The following ANAPC4 variants were observed in gnomAD, a reference collection of about 807,000 sequenced individuals.
ANAPC4 encodes the protein anaphase promoting complex subunit 4.
Under a neutral mutation model 119.8 loss-of-function variants are expected in ANAPC4, and 63 were observed. The ratio of observed to expected loss-of-function variants is 0.53; its 90% CI spans 0.43 to 0.65. The LOEUF (loss-of-function observed/expected upper bound fraction) is 0.65. Ranked by LOEUF, ANAPC4 falls within the 30% of genes least tolerant of loss-of-function variation. The pLI is 0.00. For synonymous variants in ANAPC4, 283 were observed against 318.6 expected (o/e 0.89, Z 1.19); for missense variants, 716 against 945.1 (o/e 0.76, Z 3.18).
chr4:25,406,094 G>T (rs2109136764), intron 18 of ANAPC4, among the ~76,000 whole-genome samples: 1 of 152,228 alleles, frequency 6.6e-6, no homozygotes, highest in East Asian at 1.9e-4. Flanking sequence ...ATTTCCACTT[G>T]ATTCTTGCAG....
chr4:25,386,844 T>G (rs1416302420), intron 4 of ANAPC4, among the ~76,000 whole-genome samples: 1 of 152,178 alleles, frequency 6.6e-6, no homozygotes, highest in African/African-American at 2.4e-5. Context: ...GCAGTAAACC[T>G]GAATAGCTAA....
At chr4:25,391,205 A>G (rs570143619) in intron 9 of ANAPC4, among the ~76,000 whole-genome samples, 190 bp downstream of exon 9, 20 of 152,210 alleles carry the variant, frequency 1.3e-4, no homozygotes, top group Admixed American at 7.9e-4. Flanking sequence ...CCATGCTCCA[A>G]TACAGTTTTC....
intron 25 of ANAPC4, 74 bp from the exon 26 acceptor site, chr4:25,415,392 C>CT (rs1723802537): frequency 8.5e-7 from 1 of 1,173,476 alleles, no homozygotes; most frequent in East Asian, 2.4e-5. Context: ...CAATCATGTT[C>CT]TTTTAAGCCT....
chr4:25,416,501 G>C lies in ANAPC4; in HGVS notation c.1978G>C (p.Glu660Gln). The change falls in exon 27 of 29, where the codon GAA (glutamate) becomes CAA (glutamine). Residue 660 changes from glutamate to glutamine, a missense_variant. Physicochemically the swap from Glu to Gln is conservative, Grantham distance 29. Around this residue, in one of 3 missense-constraint regions of ANAPC4, gnomAD observed 504 missense variants for 615.8 expected, o/e 0.82. Coordinates refer to ENST00000315368, the MANE Select transcript of ANAPC4 (RefSeq NM_013367.3). ...TVVLKDTVGR[E>Q]GRDRLLVQLP... ...AGTTCTTAAAGACACTGTAGGACGTGAAGGAAGAGATAGACTCTTGGTCCA... is the reference window on the plus strand; with the variant it reads ...AGTTCTTAAAGACACTGTAGGACGTCAAGGAAGAGATAGACTCTTGGTCCA... 1 of 1,608,006 alleles carries C rather than the reference G, an allele frequency of 6.2e-7. No homozygotes were observed. Among genetic ancestry groups the C allele is most frequent in the Non-Finnish European group, 8.5e-7 (1 of 1,175,666 alleles).
In ANAPC4 at chr4:25,377,449, T is replaced by A. The variant is rs772072500; in HGVS notation, c.22T>A (p.Phe8Ile). 1 of 1,614,104 alleles carries A rather than the reference T, an allele frequency of 6.2e-7. No individual in the cohort carries two copies. Among genetic ancestry groups the A allele is most frequent in the Non-Finnish European group, 8.5e-7 (1 of 1,179,984 alleles). The change falls in exon 2 of 29, where the codon TTC (phenylalanine) becomes ATC (isoleucine). Residue 8 changes from phenylalanine (F) to isoleucine (I), a missense_variant. By Grantham distance (21) the Phe-to-Ile change is conservative (BLOSUM62 0). Coordinates refer to ENST00000315368, the MANE Select transcript of ANAPC4 (RefSeq NM_013367.3). The stretch of plus-strand genomic sequence containing the variant: ...CCCCATGTTGCGTTTTCCGACCTGT[T>A]TCCCATCCTTCCGGGTGGTGGGAGA... MLRFPTC[F>I]PSFRVVGEKQ...
chr4:25,393,790 CTT>C lies in ANAPC4; in HGVS notation c.790-10_790-9del. 6.5e-7 allele frequency: 1 copy of C among 1,533,696 alleles called. No individual in the cohort carries two copies. The highest frequency in any genetic ancestry group is 1.2e-5 in the South Asian group (1 of 81,054). The stretch of plus-strand genomic sequence containing the variant: ...AATATTTTTTACCATTTCAATTTTT[CTT>C]TTTTGCTAATAGTATATAAATTTGT... On this transcript the variant is annotated splice_polypyrimidine_tract_variant and intron_variant, in intron 10 of 28. Coordinates refer to ENST00000315368, the MANE Select transcript of ANAPC4 (RefSeq NM_013367.3).
intron 3 of ANAPC4, among the ~76,000 whole-genome samples, chr4:25,382,957 T>G (rs1721823535): frequency 6.6e-6 from 1 of 152,228 alleles, no homozygotes; most frequent in African/African-American, 2.4e-5. Flanking sequence ...CTCTTTTGTA[T>G]TTTCTGCTTG....
chr4:25,417,471 C>G (rs768162440), intron 27 of ANAPC4, 145 bp from the exon 28 acceptor site: 133 of 845,270 alleles, frequency 1.6e-4, no homozygotes, highest in Non-Finnish European at 2.0e-4. Context: ...AGCTTTTTTT[C>G]TAACACAACA....
intron 10 of ANAPC4, among the ~76,000 whole-genome samples, chr4:25,393,453 G>A (rs544544622): frequency 2.0e-5 from 3 of 152,214 alleles, no homozygotes; most frequent in South Asian, 4.1e-4. Flanking sequence ...CTTGAGGCTT[G>A]GAGTTCGAGA....
intron 7 of ANAPC4, among the ~76,000 whole-genome samples, chr4:25,389,540 G>A (rs867892280): frequency 1.3e-5 from 2 of 152,110 alleles, no homozygotes; most frequent in South Asian, 2.1e-4. Context: ...TGATCCACCC[G>A]CCTTGGCCTC....
At chr4:25,413,851 A>G (rs1723711668) in intron 22 of ANAPC4, 109 bp downstream of exon 22, 2 of 871,614 alleles carry the variant, frequency 2.3e-6, no homozygotes, top group South Asian at 3.7e-5. Flanking sequence ...GAAAATGTTG[A>G]TAGTCAACTG....
At chr4:25,411,379 TGA>T (rs71189000) in intron 21 of ANAPC4, among the ~76,000 whole-genome samples, 3,952 of 152,300 alleles carry the variant, frequency 0.026, 90 homozygotes, top group South Asian at 0.11. Context: ...CTTACGTGTT[TGA>T]ATAAGAAAGG....
In ANAPC4 at chr4:25,394,861, A is replaced by G; in HGVS notation, c.1017A>G (p.Ser339=). ...AAAAGCTTGGCCAGTCTATAGAGTC[A>G]TCATACTCCAGTATACAAAAATTGG... The part of the protein sequence containing the change: ...GLKKLGQSIE[S]SYSSIQKLVI... Residue 339 remains serine, a synonymous_variant, in exon 14 of 29, where the codon TCA becomes TCG. Coordinates refer to ENST00000315368, the MANE Select transcript of ANAPC4 (RefSeq NM_013367.3). The G allele has an allele frequency of 6.2e-7, 1 of 1,613,512 alleles. No homozygotes were observed. The highest frequency in any genetic ancestry group is 2.2e-5 in the East Asian group (1 of 44,852).
intron 22 of ANAPC4, 33 bp downstream of exon 22, chr4:25,413,775 G>A (rs377598355): frequency 2.0e-6 from 3 of 1,515,992 alleles, no homozygotes; most frequent in African/African-American, 1.4e-5. Flanking sequence ...TCTTTGTGTA[G>A]GAGCAATAGT....
intron 4 of ANAPC4, among the ~76,000 whole-genome samples, chr4:25,386,861 TCTC>T (rs1229297989): frequency 1.3e-5 from 2 of 152,166 alleles, no homozygotes; most frequent in East Asian, 3.8e-4. Context: ...CTAAGAGTTT[TCTC>T]CTCTTTCTAG....
chr4:25,409,979 G>A (rs1410734230), intron 21 of ANAPC4, among the ~76,000 whole-genome samples, 188 bp downstream of exon 21: 2 of 152,204 alleles, frequency 1.3e-5, no homozygotes, highest in African/African-American at 4.8e-5. Flanking sequence ...ATAGATAGAA[G>A]ACACTCTGAA....
rs147243013 is a variant in ANAPC4, at chr4:25,383,333, C to G, written c.308C>G (p.Ser103Cys). The G allele has an allele frequency of 1.9e-6, 3 of 1,613,104 alleles. No individual in the cohort carries two copies. Among genetic ancestry groups the G allele is most frequent in the African/African-American group, 1.3e-5 (1 of 74,898 alleles). Residue 103 changes from serine to cysteine, a missense_variant, in exon 4 of 29, where the codon TCT becomes TGT. This residue lies in a region of ANAPC4 where 202 missense variants were observed against 293.5 expected (regional missense o/e 0.69). Coordinates refer to ENST00000315368, the MANE Select transcript of ANAPC4 (RefSeq NM_013367.3). ...GTAGAAAAACCTGAGAGCTTACACTCTTTTTCTGTGGAGGCTCCAGTTTCC... is the reference window on the plus strand; with the variant it reads ...GTAGAAAAACCTGAGAGCTTACACTGTTTTTCTGTGGAGGCTCCAGTTTCC... ...CDVEKPESLH[S>C]FSVEAPVSCM...
At chr4:25,396,818 A>G (rs1395806223) in intron 15 of ANAPC4, 30 bp from the exon 16 acceptor site, 1 of 1,609,416 alleles carries the variant, frequency 6.2e-7, no homozygotes, top group Non-Finnish European at 8.5e-7. Context: ...CTTATTTGAC[A>G]AATGACGTTT....
intron 22 of ANAPC4, chr4:25,414,010 T>A (rs1723722023): frequency 4.2e-6 from 2 of 476,288 alleles, no homozygotes; most frequent in Non-Finnish European, 7.3e-6. Context: ...CAGAAGAAAT[T>A]CATTGTAAAC....
Sources: gnomAD v4.1 joint callset for allele counts (sites outside exome capture counted in the v4.1 genomes callset) on GRCh38, gnomAD v4.1.1 for gene constraint, gnomAD v4.1.1 regional missense constraint, MANE v1.5 for transcripts, NCBI Gene and HGNC (gene_info 2026-07-23, HGNC 2026-07-21) for gene names.